RGS7: variants seen among roughly 807,000 people sequenced by gnomAD.
RGS7 encodes the protein regulator of G-protein signaling 7.
Under a neutral mutation model 81.1 loss-of-function variants are expected in RGS7, and 27 were observed. That is an observed-to-expected ratio of 0.33 (90% confidence interval 0.25 to 0.46). The LOEUF (loss-of-function observed/expected upper bound fraction) is 0.46. RGS7 is among the 20% of genes least tolerant of loss of function. RGS7 has a pLI of 1.00. For synonymous variants in RGS7, 208 were observed against 207.7 expected (o/e 1.00, Z -0.01); for missense variants, 396 against 607.4 (o/e 0.65, Z 3.66).
chr1:241,207,151 T>G (rs149135174), intron 2 of RGS7, among the ~76,000 whole-genome samples: 1,621 of 151,464 alleles, frequency 0.011, 14 homozygotes, highest in African/African-American at 0.021. Context: ...GTATTTTTAG[T>G]AGAGACGGGG....
At chr1:241,345,996 G>T (rs919662036) in intron 2 of RGS7, among the ~76,000 whole-genome samples, 4 of 152,020 alleles carry the variant, frequency 2.6e-5, no homozygotes, top group Non-Finnish European at 1.5e-5. Context: ...GTCTGGTGAT[G>T]GAGCGAGAGT....
intron 9 of RGS7, among the ~76,000 whole-genome samples, chr1:240,861,372 C>A (rs763137308): frequency 1.3e-4 from 20 of 152,040 alleles, no homozygotes; most frequent in Non-Finnish European, 7.4e-5. Context: ...ACTGGGGAAG[C>A]AAAGAAGGTG....
intron 3 of RGS7, among the ~76,000 whole-genome samples, chr1:241,040,168 C>A (rs138836453): frequency 6.6e-6 from 1 of 152,174 alleles, no homozygotes; most frequent in Non-Finnish European, 1.5e-5. Context: ...CCTTTAGACC[C>A]CTCTCAGCCT....
intron 14 of RGS7, among the ~76,000 whole-genome samples, chr1:240,811,422 A>G (rs1572198710): frequency 1.3e-5 from 2 of 152,362 alleles, no homozygotes; most frequent in Non-Finnish European, 2.9e-5. Context: ...GCTGCTCTCA[A>G]TTGCCCTGTG....
intron 4 of RGS7, among the ~76,000 whole-genome samples, chr1:240,964,291 A>G (rs2148485178): frequency 6.6e-6 from 1 of 152,304 alleles, no homozygotes; most frequent in East Asian, 1.9e-4. Flanking sequence ...TCATCCCACT[A>G]AATAGGAGAT....
At chr1:240,990,379 A>G (rs1179373446) in intron 3 of RGS7, among the ~76,000 whole-genome samples, 1 of 152,214 alleles carries the variant, frequency 6.6e-6, no homozygotes, top group African/African-American at 2.4e-5. Context: ...CTGCCTTGCT[A>G]TGAATATAAA....
At chr1:241,346,198 A>G (rs867333574) in intron 2 of RGS7, among the ~76,000 whole-genome samples, 52 of 152,068 alleles carry the variant, frequency 3.4e-4, no homozygotes, top group Admixed American at 3.0e-3. Context: ...TATTTATTTT[A>G]GAAACCAGAA....
At chr1:240,937,709 G>C (rs543570029) in intron 4 of RGS7, among the ~76,000 whole-genome samples, 8 of 152,226 alleles carry the variant, frequency 5.3e-5, no homozygotes, top group Non-Finnish European at 1.2e-4. Flanking sequence ...TAGCAATCTA[G>C]TACCATCAGT....
At chr1:241,174,895 G>GTTTTTTTTTTTTTTTTTTTTTTTTT (rs551122102) in intron 2 of RGS7, among the ~76,000 whole-genome samples, 3 of 69,230 alleles carry the variant, frequency 4.3e-5, no homozygotes, top group Non-Finnish European at 7.4e-5. Flanking sequence ...ACAGAATTTT[G>GTTTTTTTTTTTTTTTTTTTTTTTTT]TTTTTTTTTT....
intron 14 of RGS7, among the ~76,000 whole-genome samples, chr1:240,808,423 T>TA: frequency 6.6e-6 from 1 of 152,320 alleles, no homozygotes; most frequent in East Asian, 1.9e-4. Flanking sequence ...CCTACACTGT[T>TA]ATGTAAGTGC....
Position 241,022,539 on chromosome 1 carries a change from C to G in RGS7, c.176-39410G>C, listed in dbSNP as rs544383121. ...AGCTGATGCCACCCAGATCTATAAACTGCCTCATCTGGTCTTATGGCCCCC... is the reference window on the plus strand; with the variant it reads ...AGCTGATGCCACCCAGATCTATAAAGTGCCTCATCTGGTCTTATGGCCCCC... On this transcript the variant is annotated intron_variant, in intron 3 of 18. Transcript: ENST00000440928. Among the ~76,000 whole-genome samples the G allele has an allele frequency of 9.2e-5, 14 of 152,164 alleles. No individual in the cohort carries two copies. The East Asian group carries it at 2.7e-3, about 29-fold the overall frequency.
chr1:240,792,576 G>A (rs1686190170), intron 18 of RGS7, among the ~76,000 whole-genome samples: 1 of 152,120 alleles, frequency 6.6e-6, no homozygotes, highest in African/African-American at 2.4e-5. Flanking sequence ...CTCTCCTGCA[G>A]GGCCCCACTG....
chr1:241,038,189 A>G (rs1013959548), intron 3 of RGS7, among the ~76,000 whole-genome samples: 2 of 152,218 alleles, frequency 1.3e-5, no homozygotes, highest in Non-Finnish European at 2.9e-5. Context: ...ATAAAAATAG[A>G]TAAACGAAAA....
At chr1:241,102,903 CAG>C (rs544227685) in intron 2 of RGS7, among the ~76,000 whole-genome samples, 371 of 151,644 alleles carry the variant, frequency 2.4e-3, no homozygotes, top group African/African-American at 8.8e-3. Flanking sequence ...AGCATTCACT[CAG>C]AGTCTATTAA....
At chr1:240,890,067 C>T (rs769584510) in intron 6 of RGS7, among the ~76,000 whole-genome samples, 4 of 152,186 alleles carry the variant, frequency 2.6e-5, no homozygotes, top group Non-Finnish European at 2.9e-5. Context: ...TCTGCCCTCC[C>T]GTACTCAGTC....
chr1:240,863,417 G>A (rs1310266248), intron 9 of RGS7, among the ~76,000 whole-genome samples: 2 of 152,174 alleles, frequency 1.3e-5, no homozygotes, highest in Non-Finnish European at 2.9e-5. Context: ...GGAGGTTGCA[G>A]TGAGGTAAGA....
chr1:241,047,863 C>T (rs961375003), intron 3 of RGS7, among the ~76,000 whole-genome samples: 1 of 151,810 alleles, frequency 6.6e-6, no homozygotes, highest in Non-Finnish European at 1.5e-5. Flanking sequence ...TCTCAGCCCC[C>T]CTAGTAGCTG....
At chr1:241,155,034 C>T (rs1310360131) in intron 2 of RGS7, among the ~76,000 whole-genome samples, 3 of 152,082 alleles carry the variant, frequency 2.0e-5, no homozygotes, top group African/African-American at 7.2e-5. Context: ...CTGAAAAAGG[C>T]AAATTTCATA....
At chr1:241,074,629 C>T (rs1287300145) in intron 3 of RGS7, among the ~76,000 whole-genome samples, 4 of 152,154 alleles carry the variant, frequency 2.6e-5, no homozygotes, top group African/African-American at 7.2e-5. Flanking sequence ...TCTCTTTCCC[C>T]AACAGTTCTA....
Sources: gnomAD v4.1 joint callset for allele counts (sites outside exome capture counted in the v4.1 genomes callset) on GRCh38, gnomAD v4.1.1 for gene constraint, MANE v1.5 for transcripts, NCBI Gene and HGNC (gene_info 2026-07-23, HGNC 2026-07-21) for gene names.